SYN2: variants seen among roughly 807,000 people sequenced by gnomAD.
SYN2 encodes synapsin II.
SYN2 carries 19 observed loss-of-function variants against 50.9 expected under a neutral mutation model. The observed-to-expected ratio is 0.37, with a 90% CI of 0.26 to 0.55. SYN2 has a LOEUF of 0.55. Among genes scored for constraint, SYN2 ranks in the 20% least tolerant of loss-of-function variants. SYN2 has a pLI of 0.81. For missense variants in SYN2, 587 were observed against 576.4 expected (o/e 1.02, Z -0.19); for synonymous variants, 255 against 224.9 (o/e 1.13, Z -1.20).
chr3:12,165,974 A>G (rs554149200), intron 7 of SYN2, among the ~76,000 whole-genome samples: 1 of 152,162 alleles, frequency 6.6e-6, no homozygotes, highest in East Asian at 1.9e-4. Flanking sequence ...AACCTTTCTG[A>G]GTCTTACTCT....
intron 1 of SYN2, among the ~76,000 whole-genome samples, chr3:12,043,776 G>A (rs1489725898): frequency 6.6e-6 from 1 of 152,106 alleles, no homozygotes; most frequent in Admixed American, 6.5e-5. Context: ...AAAAGTCTCA[G>A]CATCTGTCTT....
At chr3:12,069,591 G>T (rs1291379930) in intron 1 of SYN2, among the ~76,000 whole-genome samples, 1 of 151,996 alleles carries the variant, frequency 6.6e-6, no homozygotes, top group African/African-American at 2.4e-5. Flanking sequence ...CCTAAGGAGT[G>T]AAATTGCTGG....
At chr3:12,129,524 G>T (rs947989068) in intron 1 of SYN2, among the ~76,000 whole-genome samples, 1 of 152,100 alleles carries the variant, frequency 6.6e-6, no homozygotes, top group East Asian at 1.9e-4. Flanking sequence ...GCAAAATTTC[G>T]TGCAAAATGA....
chr3:12,168,414 G>A lies in SYN2; in HGVS notation c.1094G>A (p.Gly365Asp). Residue 365 changes from glycine (G) to aspartate (D), a missense_variant, in exon 9 of 13, where the codon GGC (glycine) becomes GAC (aspartate). By Grantham distance (94) the Gly-to-Asp change is moderately conservative. Transcript: ENST00000621198. ...GTGGACACCTGCTCTGAGATGTTTG[G>A]CGGCCTGGACATCTGTGCTGTCAAA... ...LWVDTCSEMF[G>D]GLDICAVKAV... is the part of the protein sequence containing the mutation. 6.2e-7 allele frequency: 1 copy of A among 1,613,946 alleles called. No homozygotes were observed. The highest frequency in any genetic ancestry group is 8.5e-7 in the Non-Finnish European group (1 of 1,179,948).
chr3:12,062,621 T>C (rs916456598), intron 1 of SYN2, among the ~76,000 whole-genome samples: 5 of 152,014 alleles, frequency 3.3e-5, no homozygotes, highest in African/African-American at 1.2e-4. Context: ...AAAGGAATTG[T>C]ATCCAAATAT....
chr3:12,101,881 A>G (rs1696084853), intron 1 of SYN2, among the ~76,000 whole-genome samples: 1 of 152,136 alleles, frequency 6.6e-6, no homozygotes, highest in Non-Finnish European at 1.5e-5. Context: ...ATTTAACAGC[A>G]ATGTCCAGTT....
At chr3:12,119,364 C>G (rs953173597) in intron 1 of SYN2, among the ~76,000 whole-genome samples, 4 of 152,164 alleles carry the variant, frequency 2.6e-5, no homozygotes, top group Non-Finnish European at 5.9e-5. Flanking sequence ...TCTGCCTCTT[C>G]TGCTAAATTT....
intron 10 of SYN2, among the ~76,000 whole-genome samples, chr3:12,170,781 G>A (rs1401472319): frequency 1.3e-5 from 2 of 152,056 alleles, no homozygotes; most frequent in Non-Finnish European, 2.9e-5. Context: ...GAATTCTCTC[G>A]GCTATCTTTC....
At chr3:12,020,799 G>A (rs968090960) in intron 1 of SYN2, among the ~76,000 whole-genome samples, 3 of 152,100 alleles carry the variant, frequency 2.0e-5, no homozygotes, top group Non-Finnish European at 2.9e-5. Context: ...GCTGTAACGC[G>A]AGCACAAGAA....
At chr3:12,007,405 C>CA (rs202169233) in intron 1 of SYN2, among the ~76,000 whole-genome samples, 4 of 140,228 alleles carry the variant, frequency 2.9e-5, no homozygotes, top group Admixed American at 2.0e-4. Context: ...CTAAATTTGT[C>CA]AAAAAATCTC....
At chr3:12,115,590 T>C (rs1235215696) in intron 1 of SYN2, among the ~76,000 whole-genome samples, 2 of 151,138 alleles carry the variant, frequency 1.3e-5, no homozygotes, top group Non-Finnish European at 2.9e-5. Flanking sequence ...TAAGCTATCA[T>C]AGGGTTCTTC....
intron 1 of SYN2, among the ~76,000 whole-genome samples, chr3:12,093,946 T>G (rs1236158059): frequency 1.3e-5 from 2 of 151,272 alleles, no homozygotes; most frequent in Non-Finnish European, 2.9e-5. Context: ...AACCTGTGCC[T>G]CTTGGGTTCA....
intron 5 of SYN2, among the ~76,000 whole-genome samples, chr3:12,155,799 G>A (rs28897669): frequency 0.079 from 12,078 of 152,160 alleles, 579 homozygotes; most frequent in African/African-American, 0.13. Context: ...GCCTAGCAGC[G>A]GGCTAGACAC....
intron 1 of SYN2, among the ~76,000 whole-genome samples, chr3:12,124,157 T>C (rs1340851731): frequency 2.6e-5 from 4 of 152,114 alleles, no homozygotes; most frequent in Admixed American, 2.0e-4. Context: ...AAAATGTTGG[T>C]AAACCTATGG....
chr3:12,009,157 A>G (rs1040223458), intron 1 of SYN2, among the ~76,000 whole-genome samples: 3 of 152,240 alleles, frequency 2.0e-5, no homozygotes, highest in African/African-American at 7.2e-5. Flanking sequence ...TTGATTGTTC[A>G]TAGCAGCAGT....
chr3:12,042,144 A>G (rs1694631366), intron 1 of SYN2, among the ~76,000 whole-genome samples: 1 of 152,232 alleles, frequency 6.6e-6, no homozygotes, highest in East Asian at 1.9e-4. Context: ...GGAATTTAAG[A>G]TGGTACCTGG....
chr3:12,019,536 A>G (rs17669333), intron 1 of SYN2, among the ~76,000 whole-genome samples: 7,269 of 152,314 alleles, frequency 0.048, 248 homozygotes, highest in East Asian at 0.14. Context: ...CTTTGAAAGA[A>G]TAAAACATCA....
intron 3 of SYN2, 24 bp from the exon 4 acceptor site, chr3:12,145,655 A>G: frequency 1.9e-6 from 3 of 1,611,314 alleles, no homozygotes; most frequent in African/African-American, 1.3e-5. Flanking sequence ...GTTAATGGCA[A>G]ACCTGCCTCT....
intron 1 of SYN2, among the ~76,000 whole-genome samples, chr3:12,026,569 G>C (rs926973264): frequency 2.0e-5 from 3 of 152,210 alleles, no homozygotes; most frequent in African/African-American, 7.2e-5. Flanking sequence ...ACTAGATGGA[G>C]TAGGAGATTA....
Sources: gnomAD v4.1 joint callset for allele counts (sites outside exome capture counted in the v4.1 genomes callset) on GRCh38, gnomAD v4.1.1 for gene constraint, MANE v1.5 for transcripts, NCBI Gene and HGNC (gene_info 2026-07-23, HGNC 2026-07-21) for gene names.